Variants in RASGRP3 observed in about 807,000 individuals in gnomAD.
RASGRP3 encodes RAS guanyl releasing protein 3, also known as ras guanyl-releasing protein 3.
In RASGRP3, 54 loss-of-function variants were observed where a neutral mutation model predicts 82.7. The observed-to-expected ratio is 0.65, with a 90% CI of 0.52 to 0.82. The LOEUF is 0.82. Among genes scored for constraint, RASGRP3 ranks in the 40% least tolerant of loss-of-function variants. The pLI, the probability that RASGRP3 is intolerant of heterozygous loss-of-function variation, is 0.00. For missense variants in RASGRP3, 861 were observed against 828.9 expected (o/e 1.04, Z -0.48); for synonymous variants, 309 against 300.5 (o/e 1.03, Z -0.29).
chr2:33,525,592 G>C (rs1025291655), intron 9 of RASGRP3, among the ~76,000 whole-genome samples: 11 of 151,022 alleles, frequency 7.3e-5, no homozygotes, highest in African/African-American at 2.4e-4. Flanking sequence ...ATCAGGCGTG[G>C]TGGCTCACAC....
chr2:33,532,400 T>A (rs561148708), intron 10 of RASGRP3: 2 of 152,272 alleles, frequency 1.3e-5, no homozygotes, highest in Non-Finnish European at 1.5e-5. Context: ...GTCCCACTTA[T>A]CATCACACAT....
chr2:33,517,299 C>T (rs1235586693), intron 4 of RASGRP3, among the ~76,000 whole-genome samples: 1 of 152,198 alleles, frequency 6.6e-6, no homozygotes, highest in Non-Finnish European at 1.5e-5. Flanking sequence ...ACTGAAAATG[C>T]AGTCTCCCAT....
intron 13 of RASGRP3, among the ~76,000 whole-genome samples, chr2:33,547,684 TG>T (rs1317165274): frequency 6.6e-6 from 1 of 152,138 alleles, no homozygotes; most frequent in African/African-American, 2.4e-5. Flanking sequence ...CACTGTAAGC[TG>T]GAGTCTCGAT....
intron 2 of RASGRP3, among the ~76,000 whole-genome samples, chr2:33,462,442 C>T (rs897545353): frequency 3.4e-5 from 5 of 147,984 alleles, no homozygotes; most frequent in African/African-American, 1.0e-4. Context: ...TACAGTGGTG[C>T]GATCGGCACA....
chr2:33,461,429 C>G (rs1469967921), intron 2 of RASGRP3, among the ~76,000 whole-genome samples: 1 of 152,208 alleles, frequency 6.6e-6, no homozygotes, highest in Admixed American at 6.5e-5. Flanking sequence ...CAGGTGCCGT[C>G]ACGACACTCA....
chr2:33,483,914 CCT>C (rs1668150396), intron 1 of RASGRP3, among the ~76,000 whole-genome samples: 2 of 151,952 alleles, frequency 1.3e-5, no homozygotes, highest in Non-Finnish European at 2.9e-5. Flanking sequence ...ATGCTAGAGA[CCT>C]TAATAGTTAA....
At chr2:33,528,015 C>T (rs1325311241) in intron 10 of RASGRP3, among the ~76,000 whole-genome samples, 2 of 152,144 alleles carry the variant, frequency 1.3e-5, no homozygotes, top group African/African-American at 2.4e-5. Flanking sequence ...TGCTTCCTGG[C>T]CTTTGGACTT....
intron 12 of RASGRP3, 105 bp downstream of exon 12, chr2:33,539,315 C>T: frequency 3.3e-6 from 3 of 921,492 alleles, no homozygotes; most frequent in Non-Finnish European, 5.0e-6. Context: ...GAAAACAACC[C>T]TCTGGCAGGT....
intron 2 of RASGRP3, among the ~76,000 whole-genome samples, chr2:33,470,119 C>G (rs1033130033): frequency 6.6e-6 from 1 of 151,934 alleles, no homozygotes; most frequent in South Asian, 2.1e-4. Flanking sequence ...TTAAAATAAA[C>G]TTGAGGATTT....
At chr2:33,468,470 C>T (rs1181814749) in intron 2 of RASGRP3, among the ~76,000 whole-genome samples, 23 of 151,788 alleles carry the variant, frequency 1.5e-4, no homozygotes, top group African/African-American at 5.3e-4. Flanking sequence ...GGCATGATCT[C>T]GGCTCACTGC....
intron 1 of RASGRP3, among the ~76,000 whole-genome samples, chr2:33,479,888 T>C (rs1667736088): frequency 6.6e-6 from 1 of 152,032 alleles, no homozygotes. Context: ...CCAGGTAGTA[T>C]GTAATCAACA....
chr2:33,526,999 C>G, intron 9 of RASGRP3, 138 bp from the exon 10 acceptor site: 1 of 893,736 alleles, frequency 1.1e-6, no homozygotes, highest in South Asian at 1.8e-5. Context: ...TTTCCTGATT[C>G]ATATTTCCCT....
intron 2 of RASGRP3, among the ~76,000 whole-genome samples, chr2:33,471,559 T>G (rs1268452097): frequency 6.9e-6 from 1 of 145,902 alleles, no homozygotes; most frequent in Non-Finnish European, 1.5e-5. Context: ...GCTTTATCAG[T>G]TTTTTTTTTT....
At chr2:33,551,158 C>T (rs1345674757) in intron 14 of RASGRP3, among the ~76,000 whole-genome samples, 1 of 152,088 alleles carries the variant, frequency 6.6e-6, no homozygotes, top group Non-Finnish European at 1.5e-5. Context: ...ACCAAAAATA[C>T]AAAAATTAGC....
At chr2:33,491,916 C>T (rs1347633940) in intron 1 of RASGRP3, among the ~76,000 whole-genome samples, 9 of 152,164 alleles carry the variant, frequency 5.9e-5, no homozygotes, top group South Asian at 2.1e-4. Flanking sequence ...TGAAGGGTAA[C>T]GGGGGTGAAC....
At chr2:33,478,811 C>T (rs913804978) in intron 1 of RASGRP3, among the ~76,000 whole-genome samples, 1 of 152,186 alleles carries the variant, frequency 6.6e-6, no homozygotes, top group Non-Finnish European at 1.5e-5. Flanking sequence ...ATAATTTCAA[C>T]GCTAATAACA....
intron 7 of RASGRP3, among the ~76,000 whole-genome samples, chr2:33,522,734 GC>G (rs1343968770): frequency 1.3e-5 from 2 of 152,154 alleles, no homozygotes; most frequent in Admixed American, 6.5e-5. Context: ...CAGCCACTTT[GC>G]TTTGTCTCGC....
chr2:33,518,335 T>C (rs1231993443), intron 4 of RASGRP3, among the ~76,000 whole-genome samples: 2 of 152,116 alleles, frequency 1.3e-5, no homozygotes. Context: ...AAAGGTGCAG[T>C]AAAAATATGG....
At chr2:33,558,184 A>G in intron 15 of RASGRP3, 27 bp from the exon 16 acceptor site, 2 of 1,603,882 alleles carry the variant, frequency 1.2e-6, no homozygotes, top group Non-Finnish European at 1.7e-6. Context: ...CACACTAATC[A>G]TCTGCGACAC....
Sources: allele counts gnomAD v4.1 joint callset (sites outside exome capture counted in the v4.1 genomes callset), GRCh38; gene constraint gnomAD v4.1.1; transcripts MANE v1.5; gene names NCBI Gene and HGNC (gene_info 2026-07-23, HGNC 2026-07-21).